The following HMCN2 variants were observed in gnomAD, a reference collection of about 807,000 sequenced individuals.
The protein encoded by HMCN2 is hemicentin 2, also known as hemicentin-2.
A neutral mutation model predicts 377.5 loss-of-function variants in HMCN2; 325 were observed. The observed-to-expected ratio is 0.86, with a 90% CI of 0.79 to 0.94. The LOEUF is 0.94. Ranked by LOEUF, HMCN2 falls within the 40% of genes least tolerant of loss-of-function variation. The probability of loss-of-function intolerance (pLI) is 0.00; values close to 1 mark genes in which losing one functional copy is unlikely to be tolerated. For synonymous variants in HMCN2, 2,007 were observed against 2,046.8 expected (o/e 0.98, Z 0.53); for missense variants, 4,543 against 4,725.3 (o/e 0.96, Z 1.13).
intron 40 of HMCN2, among the ~76,000 whole-genome samples, chr9:130,364,298 C>T (rs1448747319): frequency 6.6e-6 from 1 of 152,216 alleles, no homozygotes; most frequent in African/African-American, 2.4e-5. Context: ...CATGAGTTCT[C>T]CCCCTGGACC....
chr9:130,312,734 C>T (rs1007666378), intron 15 of HMCN2, among the ~76,000 whole-genome samples: 10,891 of 149,818 alleles, frequency 0.073, 625 homozygotes, highest in East Asian at 0.26. Flanking sequence ...GGCGCAATCT[C>T]GGCTCACTGC....
In HMCN2 at chr9:130,397,532, G is replaced by C. The variant is rs986994740; in HGVS notation, c.11203G>C (p.Glu3735Gln). ...GGCAACCCCCATCCATTCTAGGTTT[G>C]AAATTCTGCCTGAGGGTTCCCTGAG... ...VPLDPRSPRF[E>Q]ILPEGSLRIQ... The change falls in exon 74 of 98, where the codon GAA becomes CAA. Residue 3735 changes from glutamate (E) to glutamine (Q), a missense_variant. Glu to Gln is a conservative substitution (Grantham distance 29, BLOSUM62 2). Coordinates refer to ENST00000683500, the MANE Select transcript of HMCN2 (RefSeq NM_001291815.2). 3.1e-6 allele frequency: 4 copies of C among 1,289,734 alleles called. No homozygotes were observed. The highest frequency in any genetic ancestry group is 4.0e-6 in the Non-Finnish European group (4 of 988,888). 79.9% of individuals were successfully genotyped at this position (1,289,734 alleles called of 1,614,324 possible).
chr9:130,321,891 G>A lies in HMCN2; in HGVS notation c.2880G>A (p.Thr960=), dbSNP rs888658375. 6 of 151,964 alleles carry A rather than the reference G, an allele frequency of 3.9e-5. No individual in the cohort carries two copies. Among genetic ancestry groups the A allele is most frequent in the Non-Finnish European group, 8.8e-5 (6 of 67,998 alleles). The allele number at this position is 151,964 out of a possible 1,614,324, so 9.4% of individuals were successfully genotyped here. The change falls in exon 19 of 98, where the codon ACG becomes ACA. Residue 960 remains threonine (T), a synonymous_variant. Transcript: ENST00000683500. ...AGRYSCVATN[T]AGSQHRDVEL... Reference sequence around the variant, plus strand: ...GGTACAGCTGTGTGGCCACCAACACGGCCGGCTCTCAGCACCGGGACGTGG... The same window carrying A: ...GGTACAGCTGTGTGGCCACCAACACAGCCGGCTCTCAGCACCGGGACGTGG...
rs774501290 is a variant in HMCN2, at chr9:130,348,559, C to T, written c.4039C>T (p.Arg1347Trp). The change falls in exon 27 of 98, where the codon CGG becomes TGG. Residue 1347 changes from arginine (R) to tryptophan (W), a missense_variant. Arg to Trp is a moderately radical substitution (Grantham distance 101). This residue lies in a region of HMCN2 where 547 missense variants were observed against 189.9 expected (regional missense o/e 2.88). Coordinates refer to ENST00000683500, the MANE Select transcript of HMCN2 (RefSeq NM_001291815.2). ...KLVVYVPPSI[R>W]EDGRKANVSG... is the part of the protein sequence containing the mutation. ...TTGCCCCCAAGTGCCCCCCAGCATC[C>T]GGGAGGACGGGCGCAAGGCCAACGT... 2.1e-5 allele frequency: 27 copies of T among 1,303,988 alleles called. No homozygotes were observed. The highest frequency in any genetic ancestry group is 9.2e-5 in the Admixed American group (4 of 43,550). The allele number at this position is 1,303,988 out of a possible 1,614,324, so 80.8% of individuals were successfully genotyped here. A position where few individuals can be genotyped will look rare whatever the true frequency, so the allele number is the denominator to read the frequency against.
intron 79 of HMCN2, 55 bp downstream of exon 79, chr9:130,403,383 C>CA (rs1204821922): frequency 3.9e-6 from 5 of 1,280,496 alleles, no homozygotes; most frequent in African/African-American, 1.5e-5. Flanking sequence ...TGGGTCTGGG[C>CA]AGGGGGGGAG....
chr9:130,430,822 T>C, intron 95 of HMCN2: 1 of 566,158 alleles, frequency 1.8e-6, no homozygotes, highest in Non-Finnish European at 3.1e-6. Flanking sequence ...TGGACTATTT[T>C]TTAAACCATT....
intron 86 of HMCN2, chr9:130,419,582 A>C (rs1039566408): frequency 2.0e-5 from 3 of 152,450 alleles, no homozygotes; most frequent in African/African-American, 7.2e-5. Context: ...TCAGACCTGC[A>C]TAAAGGCAAG....
intron 23 of HMCN2, among the ~76,000 whole-genome samples, chr9:130,340,686 T>G (rs1279279177): frequency 6.6e-6 from 1 of 152,148 alleles, no homozygotes; most frequent in Non-Finnish European, 1.5e-5. Flanking sequence ...GCCCAGCTAA[T>G]TTTTGTATTT....
chr9:130,393,796 G>C lies in HMCN2; in HGVS notation c.10289G>C (p.Gly3430Ala). 7.8e-7 allele frequency: 1 copy of C among 1,285,202 alleles called. No homozygotes were observed. The highest frequency in any genetic ancestry group is 5.6e-5 in the East Asian group (1 of 17,934). The allele number at this position is 1,285,202 out of a possible 1,614,324, so 79.6% of individuals were successfully genotyped here. A position where few individuals can be genotyped will look rare whatever the true frequency, so the allele number is the denominator to read the frequency against. ...EFQNDVVVVR[G>A]SLVELPCEAR... ...CAGAATGACGTGGTGGTGGTTCGTG[G>C]CTCCCTGGTGGAACTCCCGTGCGAG... is the stretch of plus-strand genomic sequence containing the variant. The change falls in exon 68 of 98, where the codon GGC becomes GCC. Residue 3430 changes from glycine (G) to alanine (A), a missense_variant. Physicochemically the swap from Gly to Ala is moderately conservative, Grantham distance 60 (BLOSUM62 0). This residue lies in a region of HMCN2 where 1,073 missense variants were observed against 1,319.5 expected (regional missense o/e 0.81). Coordinates refer to ENST00000683500, the MANE Select transcript of HMCN2 (RefSeq NM_001291815.2). This position sits in a 1 kb window ranked among gnomAD's most constrained non-coding sequence, Gnocchi z 5.2.
At position 130,395,265 on chromosome 9, in the gene HMCN2, C is replaced by T. The variant is rs1450879134; in HGVS notation, c.10829C>T (p.Pro3610Leu). Reference sequence around the variant, plus strand: ...CCCCGCTTTGTGGTCGGCCTGGCCCCAGGGCAGCTGGTCCTGGAGTGTTCG... The same window carrying T: ...CCCCGCTTTGTGGTCGGCCTGGCCCTAGGGCAGCTGGTCCTGGAGTGTTCG... ...RGPRFVVGLA[P>L]GQLVLECSVE... The change falls in exon 71 of 98, where the codon CCA becomes CTA. Residue 3610 changes from proline (P) to leucine (L), a missense_variant. Pro to Leu is a moderately conservative substitution (Grantham distance 98). This residue lies in a region of HMCN2 where 1,073 missense variants were observed against 1,319.5 expected (regional missense o/e 0.81). Transcript: ENST00000683500. The T allele has an allele frequency of 7.8e-7, 1 of 1,289,648 alleles. No homozygotes were observed. Among genetic ancestry groups the T allele is most frequent in the Admixed American group, 2.3e-5 (1 of 43,562 alleles). 79.9% of individuals were successfully genotyped at this position (1,289,648 alleles called of 1,614,324 possible). A position where few individuals can be genotyped will look rare whatever the true frequency, so the allele number is the denominator to read the frequency against.
chr9:130,309,514 CAAAAAA>C (rs143190808), intron 14 of HMCN2, among the ~76,000 whole-genome samples: 6 of 72,384 alleles, frequency 8.3e-5, no homozygotes, highest in South Asian at 1.1e-3. Flanking sequence ...GACTCTGTCT[CAAAAAA>C]AAAAAAAAAA....
At chr9:130,375,766 G>A in intron 50 of HMCN2, 30 bp downstream of exon 50, 2 of 985,096 alleles carry the variant, frequency 2.0e-6, no homozygotes, top group Non-Finnish European at 2.4e-6. Context: ...AAGGAGGGAG[G>A]GAACAGGTGA....
intron 78 of HMCN2, 71 bp from the exon 79 acceptor site, chr9:130,403,123 C>T (rs1418233394): frequency 8.1e-7 from 1 of 1,233,510 alleles, no homozygotes; most frequent in Non-Finnish European, 1.0e-6. Context: ...CTCTGATGCT[C>T]CGAGGCCCGC....
intron 43 of HMCN2, among the ~76,000 whole-genome samples, chr9:130,366,379 G>A (rs1440907410): frequency 6.6e-6 from 1 of 151,620 alleles, no homozygotes; most frequent in Non-Finnish European, 1.5e-5. Context: ...TGACCCCTGT[G>A]AGGCACCATG....
At chr9:130,307,321 G>A in intron 13 of HMCN2, 132 bp from the exon 14 acceptor site, 1 of 432,752 alleles carries the variant, frequency 2.3e-6, no homozygotes, top group East Asian at 7.1e-5. Flanking sequence ...ATTGAACCTG[G>A]GGTGCTCCAG....
intron 25 of HMCN2, among the ~76,000 whole-genome samples, chr9:130,345,737 G>A (rs1409274599): frequency 6.6e-6 from 1 of 151,904 alleles, no homozygotes; most frequent in Non-Finnish European, 1.5e-5. Flanking sequence ...AGAGGAAAAC[G>A]GGCACAGGGG....
At chr9:130,310,582 G>T (rs75330437) in intron 15 of HMCN2, among the ~76,000 whole-genome samples, 6 of 147,150 alleles carry the variant, frequency 4.1e-5, no homozygotes, top group Admixed American at 6.7e-5. Flanking sequence ...AGTGTGTGTG[G>T]GAGGGGCTAC....
chr9:130,305,283 C>T (rs1486407429), intron 11 of HMCN2, among the ~76,000 whole-genome samples: 4 of 152,142 alleles, frequency 2.6e-5, no homozygotes, highest in Admixed American at 6.5e-5. Context: ...TCCGTGCCAT[C>T]GAGCCCCTCC....
rs45480994 is a variant in HMCN2 at position 130,406,546 on chromosome 9, A to G, written c.12553+378A>G. 2.4e-3 allele frequency: 590 copies of G among 248,274 alleles called. 1 individual carries two copies. Among genetic ancestry groups the G allele is most frequent in the Non-Finnish European group, 3.6e-3 (447 of 123,644 alleles). 15.4% of individuals were successfully genotyped at this position (248,274 alleles called of 1,614,324 possible). A position where few individuals can be genotyped will look rare whatever the true frequency, so the allele number is the denominator to read the frequency against. ...GGAAACCCAGGTGATGTCTAGGGAG[A>G]CACAGGGCCTGTGGAGTACCTGCTG... On this transcript the variant is annotated intron_variant, in intron 82 of 97. Transcript: ENST00000683500.
Sources: gnomAD v4.1 joint callset for allele counts (sites outside exome capture counted in the v4.1 genomes callset) on GRCh38, gnomAD v4.1.1 for gene constraint, gnomAD v4.1.1 regional missense constraint, Gnocchi (gnomAD v3.1) non-coding constraint, MANE v1.5 for transcripts, NCBI Gene and HGNC (gene_info 2026-07-23, HGNC 2026-07-21) for gene names.